Variants in KIAA0930 observed in about 807,000 individuals in gnomAD.
The protein encoded by KIAA0930 is uncharacterized protein KIAA0930.
Under a neutral mutation model 43.9 loss-of-function variants are expected in KIAA0930, and 24 were observed. The ratio of observed to expected loss-of-function variants is 0.55; its 90% CI spans 0.40 to 0.77. The LOEUF (loss-of-function observed/expected upper bound fraction) is 0.77. Among genes scored for constraint, KIAA0930 ranks in the 30% least tolerant of loss-of-function variants. KIAA0930 has a pLI of 0.00. For missense variants in KIAA0930, 461 were observed against 574.2 expected, an observed-to-expected ratio of 0.80 and a Z score of 2.02; for synonymous variants, 259 against 216.4, an observed-to-expected ratio of 1.20 and a Z score of -1.73.
Position 45,194,301 on chromosome 22 carries a change from C to G in KIAA0930, c.*2875G>C, listed in dbSNP as rs1358681820. ...TGTTAGTCAGGCTGGTCTTGAACTC[C>G]TGATCTCAGGTGATCCACCCATCTC... is the stretch of plus-strand genomic sequence containing the variant. On this transcript the variant is annotated 3_prime_UTR_variant, in exon 10 of 10. Coordinates refer to ENST00000336156, the MANE Select transcript of KIAA0930 (RefSeq NM_001009880.2). 6.6e-6 allele frequency: 1 copy of G among 151,934 alleles called. No individual in the cohort carries two copies. The highest frequency in any genetic ancestry group is 2.1e-4 in the South Asian group (1 of 4,822). 9.4% of individuals were successfully genotyped at this position (151,934 alleles called of 1,614,324 possible).
intron 5 of KIAA0930, among the ~76,000 whole-genome samples, chr22:45,204,310 C>T (rs1257770228): frequency 6.6e-6 from 1 of 152,172 alleles, no homozygotes; most frequent in Non-Finnish European, 1.5e-5. Context: ...GTGCCCAGCC[C>T]TGCCTGCCAC....
At chr22:45,219,854 T>A (rs2083757145) in intron 1 of KIAA0930, among the ~76,000 whole-genome samples, 1 of 152,124 alleles carries the variant, frequency 6.6e-6, no homozygotes. Flanking sequence ...CCTCCCAAAG[T>A]GCTGGGATTA....
chr22:45,224,342 A>G (rs995479739), intron 1 of KIAA0930, among the ~76,000 whole-genome samples: 5 of 152,250 alleles, frequency 3.3e-5, no homozygotes, highest in Admixed American at 2.6e-4. Flanking sequence ...TGAGGCCAGA[A>G]TAACTTCGTC....
In KIAA0930 at chr22:45,192,256, AAATTT is replaced by A. The variant is rs1378268125; in HGVS notation, c.*4915_*4919del. The A allele has an allele frequency of 1.3e-5, 2 of 152,244 alleles. No individual in the cohort carries two copies. Among genetic ancestry groups the A allele is most frequent in the East Asian group, 1.9e-4 (1 of 5,202 alleles). 9.4% of individuals were successfully genotyped at this position (152,244 alleles called of 1,614,324 possible). A position where few individuals can be genotyped will look rare whatever the true frequency, so the allele number is the denominator to read the frequency against. On this transcript the variant is annotated 3_prime_UTR_variant, in exon 10 of 10. Coordinates refer to ENST00000336156, the MANE Select transcript of KIAA0930 (RefSeq NM_001009880.2). ...GATTAGAGGAAGACACAGAAAAAAA[AAATTT>A]AATATTCAACATGCAAAACAACCTT...
At chr22:45,198,011 GCCAGCTC>G (rs1242731313) in intron 8 of KIAA0930, 63 bp from the exon 9 acceptor site, 3 of 1,551,514 alleles carry the variant, frequency 1.9e-6, no homozygotes. Context: ...GCAGCAGGAG[GCCAGCTC>G]CCAGTCCAGG....
chr22:45,198,257 C>T (rs1251021430), intron 8 of KIAA0930, among the ~76,000 whole-genome samples: 2 of 152,254 alleles, frequency 1.3e-5, no homozygotes, highest in East Asian at 3.8e-4. Context: ...CTGTGTAATT[C>T]TCTGCTTCTG....
chr22:45,238,961 T>C (rs952154973), intron 1 of KIAA0930, among the ~76,000 whole-genome samples: 10 of 152,012 alleles, frequency 6.6e-5, no homozygotes, highest in African/African-American at 1.9e-4. Context: ...AAAGTCAGCA[T>C]TGTGTCAGGA....
chr22:45,217,233 C>T (rs1017239859), intron 1 of KIAA0930, among the ~76,000 whole-genome samples: 40 of 151,734 alleles, frequency 2.6e-4, no homozygotes, highest in African/African-American at 8.7e-4. Flanking sequence ...TGGTGGCGGG[C>T]GCCTGTAATC....
intron 5 of KIAA0930, 23 bp from the exon 6 acceptor site, chr22:45,204,008 A>G (rs755105948): frequency 1.2e-6 from 2 of 1,612,778 alleles, no homozygotes; most frequent in Non-Finnish European, 1.7e-6. Flanking sequence ...ACAAAGAGAC[A>G]GGGACGTGAC....
rs138784786 is a variant in KIAA0930 at position 45,222,203 on chromosome 22, A to T, written c.65-10096T>A. Among the ~76,000 whole-genome samples, 92 of 152,344 alleles carry T rather than the reference A, an allele frequency of 6.0e-4. 1 individual carries two copies. Among genetic ancestry groups the T allele is most frequent in the African/African-American group, 2.2e-3 (90 of 41,572 alleles). On this transcript the variant is annotated intron_variant, in intron 1 of 9. Coordinates refer to ENST00000336156, the MANE Select transcript of KIAA0930 (RefSeq NM_001009880.2). ...CTTTTAATGTTAAAAGTAAAACTAT[A>T]AAAAAGAAAAACCATGAGAGGATTT...
chr22:45,202,953 G>A (rs372594026), intron 7 of KIAA0930, 37 bp downstream of exon 7: 4 of 1,530,714 alleles, frequency 2.6e-6, no homozygotes, highest in African/African-American at 2.7e-5. Context: ...TGAACTTGAC[G>A]GATGGGAGCC....
intron 1 of KIAA0930, among the ~76,000 whole-genome samples, chr22:45,232,486 C>T (rs1285220456): frequency 2.0e-5 from 3 of 152,236 alleles, no homozygotes; most frequent in Non-Finnish European, 4.4e-5. Context: ...TGAGATCAGG[C>T]AGCCAGCCCT....
intron 1 of KIAA0930, among the ~76,000 whole-genome samples, chr22:45,226,559 G>A (rs1012142135): frequency 6.6e-6 from 1 of 151,952 alleles, no homozygotes; most frequent in Non-Finnish European, 1.5e-5. Flanking sequence ...CCCCACAGCT[G>A]TTTCCAGACA....
At chr22:45,200,662 G>A (rs1468903377) in intron 7 of KIAA0930, among the ~76,000 whole-genome samples, 1 of 152,122 alleles carries the variant, frequency 6.6e-6, no homozygotes, top group Non-Finnish European at 1.5e-5. Context: ...TTCTAATCAC[G>A]TTTGGTTCTG....
At chr22:45,198,182 C>T (rs1435231784) in intron 8 of KIAA0930, 3 of 564,960 alleles carry the variant, frequency 5.3e-6, no homozygotes, top group East Asian at 5.7e-5. Context: ...AGACTTTGGC[C>T]ACCCCCCTCA....
chr22:45,216,788 T>G (rs1176170259), intron 1 of KIAA0930, among the ~76,000 whole-genome samples: 3 of 152,074 alleles, frequency 2.0e-5, no homozygotes. Flanking sequence ...GAGTGGAGAC[T>G]TACGGAAGCA....
chr22:45,226,294 C>A (rs767984987), intron 1 of KIAA0930: 1 of 471,020 alleles, frequency 2.1e-6, no homozygotes, highest in Non-Finnish European at 4.4e-6. Flanking sequence ...GAAACCGAGA[C>A]CTTCAAGTCC....
chr22:45,232,457 G>A (rs949312143), intron 1 of KIAA0930, among the ~76,000 whole-genome samples: 1 of 152,162 alleles, frequency 6.6e-6, no homozygotes, highest in Non-Finnish European at 1.5e-5. Context: ...TTGCACCACG[G>A]GGCAAGAGGC....
At position 45,212,124 on chromosome 22, in the gene KIAA0930, G is replaced by A. The variant is rs1024079386; in HGVS notation, c.65-17C>T. 4.3e-6 allele frequency: 7 copies of A among 1,613,752 alleles called. No homozygotes were observed. Among genetic ancestry groups the A allele is most frequent in the Non-Finnish European group, 5.9e-6 (7 of 1,179,946 alleles). ...TGAAGCACCCTGCAGAGGGAGGCCA[G>A]ACAGGAGTGAGGAAGGACGGCCACC... On this transcript the variant is annotated splice_polypyrimidine_tract_variant and intron_variant, in intron 1 of 9. Coordinates refer to ENST00000336156, the MANE Select transcript of KIAA0930 (RefSeq NM_001009880.2).
Sources: allele counts gnomAD v4.1 joint callset (sites outside exome capture counted in the v4.1 genomes callset), GRCh38; gene constraint gnomAD v4.1.1; transcripts MANE v1.5; gene names NCBI Gene and HGNC (gene_info 2026-07-23, HGNC 2026-07-21).